The following HAPLN2 variants were observed in gnomAD, a reference collection of about 807,000 sequenced individuals.
HAPLN2 encodes the protein brain link protein-1.
HAPLN2 carries 27 observed loss-of-function variants against 29.3 expected under a neutral mutation model. That is an observed-to-expected ratio of 0.92 (90% CI 0.68 to 1.27). HAPLN2 has a LOEUF of 1.27. HAPLN2 is among the 50% of genes most tolerant of loss of function. HAPLN2 has a pLI of 0.00. For missense variants in HAPLN2, 454 were observed against 484.3 expected (o/e 0.94, Z 0.59); for synonymous variants, 208 against 211.7 (o/e 0.98, Z 0.15).
chr1:156,624,909 G>GGGGGGGCC, intron 6 of HAPLN2, 126 bp downstream of exon 6: 5 of 999,448 alleles, frequency 5.0e-6, no homozygotes, highest in African/African-American at 1.7e-5. Flanking sequence ...CCCCCCATCA[G>GGGGGGGCC]CCCGCCCGCC....
the HAPLN2 span, among the ~76,000 whole-genome samples, chr1:156,612,551 G>C: frequency 6.6e-6 from 1 of 152,128 alleles, no homozygotes; most frequent in African/African-American, 2.4e-5. Flanking sequence ...ACTGCTCCTG[G>C]CTCCTGTTTC....
chr1:156,621,669 A>C (rs1678230102), intron 2 of HAPLN2, among the ~76,000 whole-genome samples: 1 of 150,578 alleles, frequency 6.6e-6, no homozygotes, highest in Non-Finnish European at 1.5e-5. Flanking sequence ...GGTTGCAGTG[A>C]GCTGAGATGG....
the HAPLN2 span, among the ~76,000 whole-genome samples, chr1:156,614,093 T>C: frequency 6.6e-6 from 1 of 152,160 alleles, no homozygotes; most frequent in Non-Finnish European, 1.5e-5. Flanking sequence ...AGTAAGTATA[T>C]GAACTTGAAC....
rs574321341 is a variant in HAPLN2, at chr1:156,625,689, C to A, written c.*305C>A. 3.5e-4 allele frequency: 128 copies of A among 361,022 alleles called. No individual in the cohort carries two copies. Among genetic ancestry groups the A allele is most frequent in the Middle Eastern group, 1.5e-3 (2 of 1,342 alleles). The allele number at this position is 361,022 out of a possible 1,614,324, so 22.4% of individuals were successfully genotyped here. On this transcript the variant is annotated 3_prime_UTR_variant, in exon 7 of 7. Coordinates refer to ENST00000255039, the MANE Select transcript of HAPLN2 (RefSeq NM_021817.3). The surrounding 1 kb of genome is among the most constrained non-coding windows in gnomAD (Gnocchi z 5.7). ...TGAGGCGGCCGGGGGCATTAACTGA[C>A]CTCTGAGTACAGCAATAAAATAACC...
In HAPLN2 at chr1:156,623,565, A is replaced by G. The variant is rs988403397; in HGVS notation, c.75A>G (p.Gln25=). ...LWAFTIFHKA[Q]GDPASHPGPH... ...CCTTCACCATCTTCCACAAAGCCCA[A>G]GGAGACCCAGGTAAGACCCCAGCCC... Residue 25 remains glutamine, a synonymous_variant, in exon 3 of 7, where the codon CAA becomes CAG. Transcript: ENST00000255039. The G allele has an allele frequency of 8.1e-6, 13 of 1,614,040 alleles. No homozygotes were observed. Among genetic ancestry groups the G allele is most frequent in the South Asian group, 1.1e-5 (1 of 91,078 alleles).
the HAPLN2 span, among the ~76,000 whole-genome samples, chr1:156,609,880 A>G: frequency 6.6e-6 from 1 of 152,188 alleles, no homozygotes; most frequent in African/African-American, 2.4e-5. Flanking sequence ...TTCCTATAGA[A>G]CAAACCTGCA....
chr1:156,623,047 AAT>A (rs1307873605), intron 2 of HAPLN2, among the ~76,000 whole-genome samples: 5 of 139,456 alleles, frequency 3.6e-5, no homozygotes, highest in East Asian at 2.0e-4. Context: ...AAAATAAATA[AAT>A]AAATAAATAA....
rs1678401086 is a variant in HAPLN2, at chr1:156,625,025, CA to C, written c.740-74del. On this transcript the variant is annotated intron_variant, in intron 6 of 6. Coordinates refer to ENST00000255039, the MANE Select transcript of HAPLN2 (RefSeq NM_021817.3). This position sits in a 1 kb window ranked among gnomAD's most constrained non-coding sequence, Gnocchi z 5.7. Reference sequence around the variant, plus strand: ...CCAGCACCTCTGCGGTCCCGCACCCCAACTCCGCCTCCTGGGTGTCAGCCGC... The same window carrying C: ...CCAGCACCTCTGCGGTCCCGCACCCCACTCCGCCTCCTGGGTGTCAGCCGC... 3.4e-6 allele frequency: 5 copies of C among 1,491,264 alleles called. No homozygotes were observed. Among genetic ancestry groups the C allele is most frequent in the Non-Finnish European group, 4.5e-6 (5 of 1,120,206 alleles). 92.4% of individuals were successfully genotyped at this position (1,491,264 alleles called of 1,614,324 possible). A position where few individuals can be genotyped will look rare whatever the true frequency, so the allele number is the denominator to read the frequency against.
In HAPLN2 at chr1:156,623,033, C is replaced by CAAAAAAAAAAAA. The variant is rs1207919606; in HGVS notation, c.-24-427_-24-426insAAAAAAAAAAAA. Among the ~76,000 whole-genome samples, 33 of 44,184 alleles carry CAAAAAAAAAAAA rather than the reference C, an allele frequency of 7.5e-4. 2 individuals carry two copies. Among genetic ancestry groups the CAAAAAAAAAAAA allele is most frequent in the South Asian group, 1.9e-3 (2 of 1,080 alleles). 29.0% of individuals were successfully genotyped at this position (44,184 alleles called of 152,430 possible). On this transcript the variant is annotated intron_variant, in intron 2 of 6. Transcript: ENST00000255039. ...TGGACCATGGAGCAACACTCTGTCT[C>CAAAAAAAAAAAA]AAAAAAATAAATAAATAAATAAATA...
upstream of HAPLN2, among the ~76,000 whole-genome samples, chr1:156,616,812 T>C (rs1458499904): frequency 6.6e-6 from 1 of 152,054 alleles, no homozygotes; most frequent in Admixed American, 6.6e-5. Context: ...GTCGGCCGGG[T>C]GCAGTGGCTC....
the HAPLN2 span, among the ~76,000 whole-genome samples, chr1:156,602,247 A>T: frequency 6.6e-6 from 1 of 152,116 alleles, no homozygotes; most frequent in African/African-American, 2.4e-5. Context: ...GCCTCATCAA[A>T]CACTTTTTGA....
upstream of HAPLN2, among the ~76,000 whole-genome samples, chr1:156,616,705 C>A (rs974784071): frequency 3.3e-5 from 5 of 152,070 alleles, no homozygotes; most frequent in Non-Finnish European, 7.4e-5. Context: ...TGTCTTCTCT[C>A]ATGAGAGAGA....
upstream of HAPLN2, among the ~76,000 whole-genome samples, chr1:156,618,535 T>A (rs7541462): frequency 1.3e-5 from 2 of 151,436 alleles, no homozygotes; most frequent in South Asian, 2.1e-4. Context: ...ATCCCAGCAC[T>A]TTGGGAGGCC....
the HAPLN2 span, among the ~76,000 whole-genome samples, chr1:156,610,039 C>T: frequency 6.6e-6 from 1 of 151,664 alleles, no homozygotes; most frequent in Non-Finnish European, 1.5e-5. Context: ...CATGGTGAAA[C>T]CCCGTCTCTA....
chr1:156,603,216 AT>A, the HAPLN2 span, among the ~76,000 whole-genome samples: 244 of 145,084 alleles, frequency 1.7e-3, no homozygotes, highest in Admixed American at 3.6e-3. Context: ...ACCTTGAACA[AT>A]TTTTTTTTTT....
chr1:156,618,298 T>A (rs868629032), upstream of HAPLN2, among the ~76,000 whole-genome samples: 6 of 96,834 alleles, frequency 6.2e-5, no homozygotes, highest in African/African-American at 2.0e-4. Flanking sequence ...AGAGCCAGAC[T>A]CTGTCTCAAA....
At position 156,623,043 on chromosome 1, in the gene HAPLN2, AATAAAT is replaced by A. The variant is rs1557975795; in HGVS notation, c.-24-422_-24-417del. On this transcript the variant is annotated intron_variant, in intron 2 of 6. Transcript: ENST00000255039. The stretch of plus-strand genomic sequence containing the variant: ...AGCAACACTCTGTCTCAAAAAAATA[AATAAAT>A]AAATAAATAAATAAATAAATAAATA... Among the ~76,000 whole-genome samples, 18 of 135,522 alleles carry A rather than the reference AATAAAT, an allele frequency of 1.3e-4. 2 individuals carry two copies. The highest frequency in any genetic ancestry group is 4.9e-4 in the African/African-American group (16 of 32,746). 88.9% of individuals were successfully genotyped at this position (135,522 alleles called of 152,430 possible).
At chr1:156,608,410 C>A in the HAPLN2 span, among the ~76,000 whole-genome samples, 1 of 152,194 alleles carries the variant, frequency 6.6e-6, no homozygotes. Flanking sequence ...CTTTCCCTGG[C>A]CTCATTGTCT....
chr1:156,625,320 G>T lies in HAPLN2; in HGVS notation c.959G>T (p.Arg320Leu), dbSNP rs1280681143. ...RCGGLPDPGV[R>L]SFGFPRPQQA... is the part of the protein sequence containing the mutation. ...GGGGGGCTCCCGGATCCCGGAGTGC[G>T]CAGTTTCGGCTTCCCCAGGCCCCAA... The change falls in exon 7 of 7, where the codon CGC becomes CTC. Residue 320 changes from arginine to leucine, a missense_variant. By Grantham distance (102) the Arg-to-Leu change is moderately radical. Around this residue, in one of 3 missense-constraint regions of HAPLN2, gnomAD observed 235 missense variants for 236.9 expected, o/e 0.99. Coordinates refer to ENST00000255039, the MANE Select transcript of HAPLN2 (RefSeq NM_021817.3). The surrounding 1 kb of genome is among the most constrained non-coding windows in gnomAD (Gnocchi z 5.7). The T allele has an allele frequency of 1.3e-6, 2 of 1,592,796 alleles. No individual in the cohort carries two copies. Among genetic ancestry groups the T allele is most frequent in the Admixed American group, 1.7e-5 (1 of 57,742 alleles).
Sources: gnomAD v4.1 joint callset for allele counts (sites outside exome capture counted in the v4.1 genomes callset) on GRCh38, gnomAD v4.1.1 for gene constraint, gnomAD v4.1.1 regional missense constraint, Gnocchi (gnomAD v3.1) non-coding constraint, MANE v1.5 for transcripts, NCBI Gene and HGNC (gene_info 2026-07-23, HGNC 2026-07-21) for gene names.